RNF213: variants seen among roughly 807,000 people sequenced by gnomAD.
RNF213 encodes the protein ring finger protein 213.
RNF213 carries 341 observed loss-of-function variants against 514.4 expected under a neutral mutation model. The ratio of observed to expected loss-of-function variants is 0.66; its 90% CI spans 0.61 to 0.73. The LOEUF is 0.73. Ranked by LOEUF, RNF213 falls within the 30% of genes least tolerant of loss-of-function variation. RNF213 has a pLI of 0.00. For synonymous variants in RNF213, 2,655 were observed against 2,658.2 expected (o/e 1.00, Z 0.04); for missense variants, 5,767 against 6,615.6 (o/e 0.87, Z 4.45).
chr17:80,291,912 CACAG>C, intron 8 of RNF213, 85 bp downstream of exon 8: 1 of 1,468,888 alleles, frequency 6.8e-7, no homozygotes, highest in Non-Finnish European at 9.4e-7. Flanking sequence ...CTCTGGAGAG[CACAG>C]ACTTTGCCTG....
chr17:80,339,488 G>A lies in RNF213; in HGVS notation c.5121G>A (p.Glu1707=), dbSNP rs533511731. The A allele has an allele frequency of 4.6e-6, 7 of 1,537,262 alleles. No individual in the cohort carries two copies. Among genetic ancestry groups the A allele is most frequent in the African/African-American group, 4.1e-5 (3 of 73,172 alleles). ...TTTACCTGAACTTCTACACGGCAGA[G>A]CAGCTGGTTTACCTGAGCACTGAGC... ...EHFYLNFYTA[E]QLVYLSTELR... is the part of the protein sequence containing the mutation. The change falls in exon 26 of 68, where the codon GAG becomes GAA. Residue 1707 remains glutamate (E), a synonymous_variant. Transcript: ENST00000582970.
chr17:80,270,898 A>C (rs1343036196), intron 2 of RNF213, among the ~76,000 whole-genome samples: 1 of 152,176 alleles, frequency 6.6e-6, no homozygotes, highest in African/African-American at 2.4e-5. Flanking sequence ...CTTTGTCTGC[A>C]GGTGGAGGAG....
chr17:80,397,832 A>G lies in RNF213; in HGVS notation c.*4334A>G, dbSNP rs2080693953. 6.7e-6 allele frequency: 1 copy of G among 149,964 alleles called. No homozygotes were observed. Among genetic ancestry groups the G allele is most frequent in the Non-Finnish European group, 1.5e-5 (1 of 67,744 alleles). The allele number at this position is 149,964 out of a possible 1,614,324, so 9.3% of individuals were successfully genotyped here. A position where few individuals can be genotyped will look rare whatever the true frequency, so the allele number is the denominator to read the frequency against. On this transcript the variant is annotated 3_prime_UTR_variant, in exon 68 of 68. Coordinates refer to ENST00000582970, the MANE Select transcript of RNF213 (RefSeq NM_001256071.3). ...TAGGTGATTAATGGATGGTTGAGGCAGCCCCTCAGACGGCTTAGGCCTGCC... is the reference window on the plus strand; with the variant it reads ...TAGGTGATTAATGGATGGTTGAGGCGGCCCCTCAGACGGCTTAGGCCTGCC...
chr17:80,359,255 G>C (rs1168473613), intron 37 of RNF213, among the ~76,000 whole-genome samples: 1 of 152,186 alleles, frequency 6.6e-6, no homozygotes, highest in East Asian at 1.9e-4. Context: ...CCCAGGCTCG[G>C]TGGCTCATGC....
At chr17:80,375,287 G>A (rs2079701855) in intron 50 of RNF213, among the ~76,000 whole-genome samples, 1 of 152,218 alleles carries the variant, frequency 6.6e-6, no homozygotes, top group Non-Finnish European at 1.5e-5. Context: ...CTGCCCATGT[G>A]GGGCATGACC....
chr17:80,357,756 G>A (rs927962855), intron 36 of RNF213, among the ~76,000 whole-genome samples: 1 of 152,186 alleles, frequency 6.6e-6, no homozygotes, highest in African/African-American at 2.4e-5. Context: ...AGGATTACTT[G>A]TGCCCAGGAG....
intron 15 of RNF213, among the ~76,000 whole-genome samples, 164 bp downstream of exon 15, chr17:80,313,331 G>A (rs2045635051): frequency 6.6e-6 from 1 of 152,256 alleles, no homozygotes; most frequent in Non-Finnish European, 1.5e-5. Flanking sequence ...TACCTGGCAG[G>A]GTGGCTCTGA....
intron 10 of RNF213, among the ~76,000 whole-genome samples, chr17:80,296,454 C>T (rs2044951367): frequency 6.6e-6 from 1 of 152,202 alleles, no homozygotes; most frequent in Admixed American, 6.5e-5. Context: ...TGAATGTTCT[C>T]CCCATGCCCC....
At chr17:80,372,865 G>A in intron 48 of RNF213, 110 bp from the exon 49 acceptor site, 1 of 1,381,118 alleles carries the variant, frequency 7.2e-7, no homozygotes, top group Non-Finnish European at 1.0e-6. Flanking sequence ...CCCTGGATGT[G>A]TTTCTGTGAA....
rs2078090342 is a variant in RNF213 at position 80,339,629 on chromosome 17, G to T, written c.5262G>T (p.Arg1754Ser). 1.3e-6 allele frequency: 2 copies of T among 1,537,220 alleles called. No homozygotes were observed. The highest frequency in any genetic ancestry group is 4.9e-5 in the East Asian group (2 of 40,914). Reference protein sequence around the residue: ...ASVGCGSEAARYRMRRVMEEL... With the variant: ...ASVGCGSEAASYRMRRVMEEL... ...TGGGGTGTGGGAGTGAGGCCGCCAG[G>T]TACCGCATGAGGAGAGTCATGGAAG... Residue 1754 changes from arginine to serine, a missense_variant, in exon 26 of 68, where the codon AGG (arginine) becomes AGT (serine). Physicochemically the swap from Arg to Ser is moderately radical, Grantham distance 110. Coordinates refer to ENST00000582970, the MANE Select transcript of RNF213 (RefSeq NM_001256071.3).
intron 52 of RNF213, 99 bp from the exon 53 acceptor site, chr17:80,376,783 A>C: frequency 2.5e-6 from 3 of 1,185,552 alleles, no homozygotes; most frequent in Admixed American, 3.9e-5. Context: ...GCAGAAGGAA[A>C]GCAGAGTTCC....
At chr17:80,350,026 A>C (rs559287376) in intron 30 of RNF213, 120 bp downstream of exon 30, 42 of 1,119,778 alleles carry the variant, frequency 3.8e-5, no homozygotes, top group Middle Eastern at 2.8e-4. Context: ...TGTGAAATAG[A>C]TCCTTGTTAA....
chr17:80,280,855 C>G (rs1401813275), intron 3 of RNF213, among the ~76,000 whole-genome samples: 1 of 152,080 alleles, frequency 6.6e-6, no homozygotes, highest in Non-Finnish European at 1.5e-5. Context: ...TATAGTAAAG[C>G]TGTCAACGTA....
In RNF213 at chr17:80,263,960, T is replaced by C. The variant is rs2043517574; in HGVS notation, c.97+182T>C. ...TCAAAAGTGACCACAGAGTCTGTTT[T>C]GGGGTGGCATAGATTAGTCTCCCAC... On this transcript the variant is annotated intron_variant, in intron 2 of 67. Transcript: ENST00000582970. The surrounding 1 kb of genome is among the most constrained non-coding windows in gnomAD (Gnocchi z 4.9). Among the ~76,000 whole-genome samples the C allele has an allele frequency of 6.6e-6, 1 of 152,148 alleles. No homozygotes were observed. Among genetic ancestry groups the C allele is most frequent in the Non-Finnish European group, 1.5e-5 (1 of 68,026 alleles).
At chr17:80,372,478 T>G in intron 47 of RNF213, 43 bp from the exon 48 acceptor site, 1 of 1,479,300 alleles carries the variant, frequency 6.8e-7, no homozygotes. Flanking sequence ...CATCCATGTT[T>G]AAAAAAATAA....
Position 80,337,486 on chromosome 17 carries a change from G to C in RNF213, c.4528-100G>C, listed in dbSNP as rs191517878. The C allele has an allele frequency of 8.3e-6, 12 of 1,438,032 alleles. No individual in the cohort carries two copies. The African/African-American group carries it at 1.5e-4, about 18-fold the overall frequency. The allele number at this position is 1,438,032 out of a possible 1,614,324, so 89.1% of individuals were successfully genotyped here. A position where few individuals can be genotyped will look rare whatever the true frequency, so the allele number is the denominator to read the frequency against. On this transcript the variant is annotated intron_variant, in intron 23 of 67. Transcript: ENST00000582970. ...AGCCCTGGGGAAGCGTGGGGAGAAG[G>C]CTCTGCAGCGAGGCAGAGGCGGGAG...
chr17:80,312,928 G>A, intron 14 of RNF213, 84 bp from the exon 15 acceptor site: 1 of 1,505,010 alleles, frequency 6.6e-7, no homozygotes, highest in Non-Finnish European at 9.2e-7. Context: ...TGCCAGCAGG[G>A]AGGAGAGGAG....
chr17:80,306,851 CAAAA>C (rs67070144), intron 12 of RNF213, among the ~76,000 whole-genome samples: 4 of 105,454 alleles, frequency 3.8e-5, no homozygotes, highest in African/African-American at 6.3e-5. Context: ...GACTCCATCT[CAAAA>C]AAAAAAAAAA....
chr17:80,373,117 C>T lies in RNF213; in HGVS notation c.12894C>T (p.Pro4298=), dbSNP rs376265862. 5.0e-5 allele frequency: 80 copies of T among 1,613,372 alleles called. No homozygotes were observed. The East Asian group carries it at 1.3e-3, about 27-fold the overall frequency. ...GMEFVQGLSK[P]GRPHQWVFPK... ...AGTTCGTGCAGGGCCTCTCCAAGCC[C>T]GGCCGCCCGCACCAGTGGGTGTTTC... The change falls in exon 49 of 68, where the codon CCC becomes CCT. Residue 4298 remains proline (P), a synonymous_variant. Transcript: ENST00000582970.
Sources: allele counts gnomAD v4.1 joint callset (sites outside exome capture counted in the v4.1 genomes callset), GRCh38; gene constraint gnomAD v4.1.1; non-coding constraint Gnocchi (gnomAD v3.1); transcripts MANE v1.5; gene names NCBI Gene and HGNC (gene_info 2026-07-23, HGNC 2026-07-21).